GASK1A: variants seen among roughly 807,000 people sequenced by gnomAD.
The protein encoded by GASK1A is golgi associated kinase 1A.
GASK1A carries 40 observed loss-of-function variants against 41.2 expected under a neutral mutation model. The ratio of observed to expected loss-of-function variants is 0.97; its 90% CI spans 0.75 to 1.27. The LOEUF (loss-of-function observed/expected upper bound fraction) is 1.27, where lower values mean the gene tolerates loss of function less well. Ranked by LOEUF, GASK1A falls within the 50% of genes most tolerant of loss-of-function variation. The pLI, the probability that GASK1A is intolerant of heterozygous loss-of-function variation, is 0.00. For synonymous variants in GASK1A, 316 were observed against 307.1 expected (o/e 1.03, Z -0.30); for missense variants, 678 against 745.1 (o/e 0.91, Z 1.05).
In GASK1A at chr3:43,053,186, C is replaced by T. The variant is rs17075122; in HGVS notation, c.1291-335C>T. 4.9e-3 allele frequency among the ~76,000 whole-genome samples: 743 copies of T among 152,326 alleles called. 9 individuals carry two copies. Among genetic ancestry groups the T allele is most frequent in the East Asian group, 0.044 (227 of 5,190 alleles). On this transcript the variant is annotated intron_variant, in intron 2 of 4. Coordinates refer to ENST00000430121, the MANE Select transcript of GASK1A (RefSeq NM_001129908.3). Reference sequence around the variant, plus strand: ...AAGAAAAAATAGAGTGATGTGGAATCTCCCTAGGTAGACAGGCAGACGGTC... The same window carrying T: ...AAGAAAAAATAGAGTGATGTGGAATTTCCCTAGGTAGACAGGCAGACGGTC...
At chr3:43,027,795 G>T (rs932413672) in intron 1 of GASK1A, among the ~76,000 whole-genome samples, 8 of 152,186 alleles carry the variant, frequency 5.3e-5, no homozygotes, top group Non-Finnish European at 1.2e-4. Context: ...TATTGTTGAT[G>T]AAAAGGTCAA....
intron 2 of GASK1A, chr3:43,037,489 T>G: frequency 1.8e-6 from 1 of 557,210 alleles, no homozygotes; most frequent in Non-Finnish European, 3.3e-6. Context: ...GCTGGAAGGG[T>G]AAGGTATTTA....
chr3:43,007,992 T>C (rs149644376), intron 1 of GASK1A, among the ~76,000 whole-genome samples: 1,600 of 152,328 alleles, frequency 0.011, 63 homozygotes, highest in Admixed American at 0.076. Context: ...GCTTGCTTGC[T>C]TGCTTGCTTG....
At chr3:43,048,264 G>A (rs1459911839) in intron 2 of GASK1A, among the ~76,000 whole-genome samples, 3 of 152,130 alleles carry the variant, frequency 2.0e-5, no homozygotes, top group Admixed American at 6.5e-5. Flanking sequence ...TCAGGGAGGC[G>A]ATGTTTCTGT....
At chr3:43,038,479 C>T (rs1038080733) in intron 2 of GASK1A, among the ~76,000 whole-genome samples, 12 of 152,038 alleles carry the variant, frequency 7.9e-5, no homozygotes, top group African/African-American at 2.7e-4. Context: ...ATTATCTAGC[C>T]GTTTCGAATA....
At chr3:43,002,630 T>C (rs2089415016) in intron 1 of GASK1A, among the ~76,000 whole-genome samples, 1 of 152,212 alleles carries the variant, frequency 6.6e-6, no homozygotes, top group African/African-American at 2.4e-5. Context: ...ACACATTGGA[T>C]ATCAAAGATG....
At chr3:43,033,652 C>T in intron 2 of GASK1A, 99 bp downstream of exon 2, 4 of 1,158,168 alleles carry the variant, frequency 3.5e-6, no homozygotes, top group Non-Finnish European at 2.3e-6. Context: ...GGTGACTCTC[C>T]CCCAAGTCTT....
intron 1 of GASK1A, among the ~76,000 whole-genome samples, chr3:43,001,728 G>T (rs1281682425): frequency 6.6e-6 from 1 of 152,314 alleles, no homozygotes; most frequent in South Asian, 2.1e-4. Context: ...GGATAGGTGG[G>T]CCCCTGCGGA....
At chr3:43,035,722 T>G (rs939613353) in intron 2 of GASK1A, among the ~76,000 whole-genome samples, 1 of 152,154 alleles carries the variant, frequency 6.6e-6, no homozygotes, top group African/African-American at 2.4e-5. Context: ...CTTAGTACAG[T>G]GCCTGGCGGG....
At chr3:42,989,418 T>G (rs907747802) in intron 1 of GASK1A, among the ~76,000 whole-genome samples, 1 of 152,186 alleles carries the variant, frequency 6.6e-6, no homozygotes, top group African/African-American at 2.4e-5. Context: ...AATGTAGAGT[T>G]GAGGTAGGAT....
intron 2 of GASK1A, among the ~76,000 whole-genome samples, chr3:43,037,646 G>C (rs972221368): frequency 6.6e-6 from 1 of 152,060 alleles, no homozygotes; most frequent in African/African-American, 2.4e-5. Flanking sequence ...TAGTCAAAAT[G>C]CTACAATAAA....
At chr3:43,038,876 G>A (rs950353460) in intron 2 of GASK1A, among the ~76,000 whole-genome samples, 5 of 152,070 alleles carry the variant, frequency 3.3e-5, no homozygotes, top group South Asian at 2.1e-4. Context: ...AAGGGAGTTC[G>A]GCCCTGACAC....
intron 1 of GASK1A, among the ~76,000 whole-genome samples, chr3:43,024,738 C>T (rs1463729808): frequency 7.2e-5 from 11 of 152,162 alleles, no homozygotes; most frequent in African/African-American, 1.4e-4. Context: ...GAGCTTCTCA[C>T]GTGCCAGGCA....
chr3:42,997,185 T>C (rs1441187501), intron 1 of GASK1A, among the ~76,000 whole-genome samples: 2 of 152,226 alleles, frequency 1.3e-5, no homozygotes, highest in Non-Finnish European at 2.9e-5. Flanking sequence ...TACCCTCTGC[T>C]ACCTGCACCT....
Position 43,046,404 on chromosome 3 carries a change from T to A in GASK1A, c.1291-7117T>A, listed in dbSNP as rs917833541. Among the ~76,000 whole-genome samples the A allele has an allele frequency of 5.3e-5, 8 of 152,296 alleles. No individual in the cohort carries two copies. The East Asian group carries it at 1.5e-3, about 29-fold the overall frequency. ...TGTGGAACTTTGAACTTGAGAGAGA[T>A]GATTTAAGGTATCTGGCAGAAGAAA... On this transcript the variant is annotated intron_variant, in intron 2 of 4. Transcript: ENST00000430121.
chr3:43,014,409 A>G (rs1265307919), intron 1 of GASK1A, among the ~76,000 whole-genome samples: 2 of 148,754 alleles, frequency 1.3e-5, no homozygotes, highest in Admixed American at 6.6e-5. Context: ...TGAAGCCACA[A>G]GAAGGGGCAG....
At position 43,053,614 on chromosome 3, in the gene GASK1A, C is replaced by T. The variant is rs1055481833; in HGVS notation, c.1384C>T (p.Pro462Ser). 1.7e-5 allele frequency: 26 copies of T among 1,551,628 alleles called. No homozygotes were observed. The highest frequency in any genetic ancestry group is 2.1e-5 in the Non-Finnish European group (24 of 1,147,020). The change falls in exon 3 of 5, where the codon CCA (proline) becomes TCA (serine). Residue 462 changes from proline (P) to serine (S), a missense_variant. By Grantham distance (74) the Pro-to-Ser change is moderately conservative (BLOSUM62 -1). Coordinates refer to ENST00000430121, the MANE Select transcript of GASK1A (RefSeq NM_001129908.3). Reference sequence around the variant, plus strand: ...GAGGCTCCGAGAGAAATGCCAGAACCCAGCCGAGCTGCGGCTGGTCCACAT... The same window carrying T: ...GAGGCTCCGAGAGAAATGCCAGAACTCAGCCGAGCTGCGGCTGGTCCACAT... ...EERLREKCQNPAELRLVHILV... is the reference protein window; with the variant it reads ...EERLREKCQNSAELRLVHILV...
At chr3:42,980,041 A>T (rs1157400180) in intron 1 of GASK1A, among the ~76,000 whole-genome samples, 2 of 152,186 alleles carry the variant, frequency 1.3e-5, no homozygotes, top group Non-Finnish European at 2.9e-5. Flanking sequence ...AGTTCATGTG[A>T]ATTTTATACT....
intron 2 of GASK1A, chr3:43,037,288 A>T (rs2089609296): frequency 1.1e-6 from 1 of 887,418 alleles, no homozygotes. Context: ...CCCCAGATGA[A>T]CGGGACCCCA....
Sources: gnomAD v4.1 joint callset for allele counts (sites outside exome capture counted in the v4.1 genomes callset) on GRCh38, gnomAD v4.1.1 for gene constraint, MANE v1.5 for transcripts, NCBI Gene and HGNC (gene_info 2026-07-23, HGNC 2026-07-21) for gene names.